Variants in RFESD observed in about 807,000 individuals in gnomAD.
RFESD encodes the protein Rieske Fe-S domain containing.
Under a neutral mutation model 24.4 loss-of-function variants are expected in RFESD, and 16 were observed. The observed-to-expected ratio is 0.66, with a 90% CI of 0.44 to 1.00. The LOEUF is 1.00. Ranked by LOEUF, RFESD falls within the 50% of genes least tolerant of loss-of-function variation. The probability of loss-of-function intolerance (pLI) is 0.00; values close to 1 mark genes in which losing one functional copy is unlikely to be tolerated. For synonymous variants in RFESD, 59 were observed against 81.8 expected (o/e 0.72, Z 1.50); for missense variants, 208 against 247.0 (o/e 0.84, Z 1.06).
intron 2 of RFESD, chr5:95,652,802 C>G (rs1011570844): frequency 5.9e-6 from 2 of 336,172 alleles, no homozygotes; most frequent in Non-Finnish European, 1.1e-5. Context: ...TCCCCTACAG[C>G]ATCAACCCCC....
At chr5:95,654,489 A>G (rs1750603043) in intron 5 of RFESD, 122 bp downstream of exon 5, 2 of 700,778 alleles carry the variant, frequency 2.9e-6, no homozygotes, top group Non-Finnish European at 4.8e-6. Context: ...CTGGGAATTC[A>G]TAAGATAAAT....
chr5:95,649,015 C>G lies in RFESD; in HGVS notation c.-136+2198C>G, dbSNP rs181863732. 3.6e-4 allele frequency among the ~76,000 whole-genome samples: 54 copies of G among 149,976 alleles called. No homozygotes were observed. In the East Asian group the frequency reaches 6.9e-3, roughly 19 times the overall value. On this transcript the variant is annotated intron_variant, in intron 1 of 5. Coordinates refer to ENST00000380005, the MANE Select transcript of RFESD (RefSeq NM_001131066.2). Reference sequence around the variant, plus strand: ...AAATAGTTAATTCATGACCTATGCACAGGCACATTCTCTGAGGATAGAAAG... The same window carrying G: ...AAATAGTTAATTCATGACCTATGCAGAGGCACATTCTCTGAGGATAGAAAG...
rs1261015671 is a variant in RFESD at position 95,654,167 on chromosome 5, G to T, written c.265G>T (p.Val89Phe). The stretch of plus-strand genomic sequence containing the variant: ...AAAATCTGAAAGAATGACAGCTGTT[G>T]TCCATGATAGAGAAGTGGTCATTTT... The part of the protein sequence containing the change: ...IKKSERMTAV[V>F]HDREVVIFYH... The change falls in exon 4 of 6, where the codon GTC becomes TTC. Residue 89 changes from valine (V) to phenylalanine (F), a missense_variant. Transcript: ENST00000380005. The T allele has an allele frequency of 3.1e-6, 5 of 1,612,424 alleles. No homozygotes were observed. The highest frequency in any genetic ancestry group is 4.2e-6 in the Non-Finnish European group (5 of 1,179,454).
intron 1 of RFESD, among the ~76,000 whole-genome samples, chr5:95,651,918 T>A (rs1025669175): frequency 1.3e-5 from 2 of 152,150 alleles, no homozygotes; most frequent in Non-Finnish European, 2.9e-5. Context: ...TGGATACTAA[T>A]CAGTATTTGA....
chr5:95,653,638 C>A (rs1231236861), intron 3 of RFESD, among the ~76,000 whole-genome samples: 2 of 152,172 alleles, frequency 1.3e-5, no homozygotes, highest in Non-Finnish European at 2.9e-5. Context: ...GTGGCTCACG[C>A]CTGTAATCCC....
chr5:95,653,009 C>T (rs915654457), intron 2 of RFESD, 108 bp from the exon 3 acceptor site: 3 of 1,466,694 alleles, frequency 2.0e-6, no homozygotes, highest in African/African-American at 1.4e-5. Flanking sequence ...CACTGCACAA[C>T]CTGGCTCCTG....
At chr5:95,648,009 T>C (rs1177865043) in intron 1 of RFESD, 1 of 152,236 alleles carries the variant, frequency 6.6e-6, no homozygotes, top group Admixed American at 6.5e-5. Context: ...AGCATTCTGA[T>C]AATGTGTAGG....
chr5:95,653,346 T>TG, intron 3 of RFESD, 132 bp downstream of exon 3: 1 of 1,262,340 alleles, frequency 7.9e-7, no homozygotes, highest in African/African-American at 1.5e-5. Context: ...GGCTGAAGAC[T>TG]ATTCAGACAA....
chr5:95,652,243 C>A lies in RFESD; in HGVS notation c.-29C>A. ...TGGACACTCTACTGATCTTGCCTCTCTACAACCTCTCTTCCACCTGACCTC... is the reference window on the plus strand; with the variant it reads ...TGGACACTCTACTGATCTTGCCTCTATACAACCTCTCTTCCACCTGACCTC... On this transcript the variant is annotated 5_prime_UTR_variant, in exon 2 of 6. Transcript: ENST00000380005. 1 of 1,545,784 alleles carries A rather than the reference C, an allele frequency of 6.5e-7. No individual in the cohort carries two copies. The highest frequency in any genetic ancestry group is 1.2e-5 in the South Asian group (1 of 82,806).
At chr5:95,649,604 C>CA (rs984301702) in intron 1 of RFESD, among the ~76,000 whole-genome samples, 1 of 152,186 alleles carries the variant, frequency 6.6e-6, no homozygotes, top group Non-Finnish European at 1.5e-5. Flanking sequence ...TTCACTAATA[C>CA]TTGGTATAAT....
chr5:95,652,517 A>G (rs1750406275), intron 2 of RFESD, 186 bp downstream of exon 2: 1 of 736,692 alleles, frequency 1.4e-6, no homozygotes, highest in Non-Finnish European at 2.0e-6. Context: ...AATACCATTC[A>G]TTTCTTGGCC....
In RFESD at chr5:95,654,243, TTTTA is replaced by T; in HGVS notation, c.334+11_334+14del. ...ATGGATATTCGCTGTTACCGTAAGA[TTTTA>T]TTTTTCATTTGTAAAACTTTAAACC... is the stretch of plus-strand genomic sequence containing the variant. On this transcript the variant is annotated splice_region_variant and intron_variant, in intron 4 of 5. Transcript: ENST00000380005. 1 of 1,611,106 alleles carries T rather than the reference TTTTA, an allele frequency of 6.2e-7. No homozygotes were observed. Among genetic ancestry groups the T allele is most frequent in the Non-Finnish European group, 8.5e-7 (1 of 1,178,918 alleles).
At chr5:95,649,589 A>C (rs1228822328) in intron 1 of RFESD, among the ~76,000 whole-genome samples, 6 of 152,244 alleles carry the variant, frequency 3.9e-5, no homozygotes, top group African/African-American at 1.4e-4. Flanking sequence ...TAGCAGTTCC[A>C]TATTTTCACT....
In RFESD at chr5:95,656,550, G is replaced by T; in HGVS notation, c.*241G>T. ...TTAGAAACCTGAAGGTTATAGGTTT[G>T]GGATGTTCTGTTTAAGAAGGATAAA... is the stretch of plus-strand genomic sequence containing the variant. On this transcript the variant is annotated 3_prime_UTR_variant, in exon 6 of 6. Transcript: ENST00000380005. 2.9e-6 allele frequency: 1 copy of T among 343,998 alleles called. No individual in the cohort carries two copies. Among genetic ancestry groups the T allele is most frequent in the Non-Finnish European group, 5.2e-6 (1 of 192,056 alleles). 21.3% of individuals were successfully genotyped at this position (343,998 alleles called of 1,614,324 possible).
rs771932603 is a variant in RFESD at position 95,656,130 on chromosome 5, A to G, written c.454A>G (p.Ile152Val). The change falls in exon 6 of 6, where the codon ATA becomes GTA. Residue 152 changes from isoleucine to valine, a missense_variant. By Grantham distance (29) the Ile-to-Val change is conservative. Transcript: ENST00000380005. Reference sequence around the variant, plus strand: ...AACAGGAGAAGGTCTGTACCAGTCTATAAACCCTAAAGATCCATCAGCAAA... The same window carrying G: ...AACAGGAGAAGGTCTGTACCAGTCTGTAAACCCTAAAGATCCATCAGCAAA... ...LATGEGLYQSINPKDPSAKPK... is the reference protein window; with the variant it reads ...LATGEGLYQSVNPKDPSAKPK... 8.7e-6 allele frequency: 14 copies of G among 1,613,910 alleles called. No homozygotes were observed. The Admixed American group carries it at 2.0e-4, about 23-fold the overall frequency.
At chr5:95,651,090 T>G (rs1750309940) in intron 1 of RFESD, among the ~76,000 whole-genome samples, 1 of 119,362 alleles carries the variant, frequency 8.4e-6, no homozygotes, top group Non-Finnish European at 1.6e-5. Flanking sequence ...AGAGTGAGAC[T>G]CCGTCTCAAA....
At chr5:95,651,573 C>T (rs1212478338) in intron 1 of RFESD, among the ~76,000 whole-genome samples, 2 of 152,006 alleles carry the variant, frequency 1.3e-5, no homozygotes, top group South Asian at 4.1e-4. Flanking sequence ...TTTTTAAAAA[C>T]ATTTTTATGT....
rs565804855 is a variant in RFESD, at chr5:95,652,130, T to G, written c.-135-7T>G. 5.4e-5 allele frequency: 61 copies of G among 1,132,942 alleles called. No homozygotes were observed. In the African/African-American group the frequency reaches 8.7e-4, roughly 16 times the overall value. 70.2% of individuals were successfully genotyped at this position (1,132,942 alleles called of 1,614,324 possible). ...TGTGGCCTCATTGCCTGCCTTTTTT[T>G]TTCCAGGTTACCACCTATTTGCAAT... On this transcript the variant is annotated splice_polypyrimidine_tract_variant and splice_region_variant and intron_variant, in intron 1 of 5. Transcript: ENST00000380005.
At position 95,656,820 on chromosome 5, in the gene RFESD, C is replaced by T. The variant is rs1184525145; in HGVS notation, c.*511C>T. ...ATTTATACCTCTGTGGATTTGCTAC[C>T]TCTCCTATTTGATTGTTATTTTTAC... On this transcript the variant is annotated 3_prime_UTR_variant, in exon 6 of 6. Coordinates refer to ENST00000380005, the MANE Select transcript of RFESD (RefSeq NM_001131066.2). 6.6e-6 allele frequency: 1 copy of T among 152,668 alleles called. No homozygotes were observed. Among genetic ancestry groups the T allele is most frequent in the Non-Finnish European group, 1.5e-5 (1 of 68,558 alleles). The allele number at this position is 152,668 out of a possible 1,614,324, so 9.5% of individuals were successfully genotyped here. A position where few individuals can be genotyped will look rare whatever the true frequency, so the allele number is the denominator to read the frequency against.
Sources: allele counts gnomAD v4.1 joint callset (sites outside exome capture counted in the v4.1 genomes callset), GRCh38; gene constraint gnomAD v4.1.1; transcripts MANE v1.5; gene names NCBI Gene and HGNC (gene_info 2026-07-23, HGNC 2026-07-21).